FBXO31: variants seen among roughly 807,000 people sequenced by gnomAD.
The protein encoded by FBXO31 is F-box protein 31.
FBXO31 carries 24 observed loss-of-function variants against 54.4 expected under a neutral mutation model. That is an observed-to-expected ratio of 0.44 (90% CI 0.32 to 0.62). The LOEUF (loss-of-function observed/expected upper bound fraction) is 0.62. FBXO31 is among the 20% of genes least tolerant of loss of function. The pLI, the probability that FBXO31 is intolerant of heterozygous loss-of-function variation, is 0.05. For synonymous variants in FBXO31, 388 were observed against 335.6 expected, an observed-to-expected ratio of 1.16 and a Z score of -1.71; for missense variants, 665 against 787.1, an observed-to-expected ratio of 0.84 and a Z score of 1.86.
chr16:87,389,887 T>G (rs1907461575), upstream of FBXO31: 1 of 152,236 alleles, frequency 6.6e-6, no homozygotes, highest in Non-Finnish European at 1.5e-5. Context: ...TCTTCTTTAT[T>G]AATTGTATGA....
rs755030834 is a variant in FBXO31 at position 87,335,425 on chromosome 16, G to A, written c.875C>T (p.Pro292Leu). The A allele has an allele frequency of 5.6e-6, 9 of 1,613,548 alleles. No individual in the cohort carries two copies. The highest frequency in any genetic ancestry group is 2.2e-5 in the East Asian group (1 of 44,872). The change falls in exon 7 of 9, where the codon CCG becomes CTG. Residue 292 changes from proline to leucine, a missense_variant. Transcript: ENST00000311635. The surrounding 1 kb of genome is among the most constrained non-coding windows in gnomAD (Gnocchi z 5.7). ...NCLTYRRIYL[P>L]PSRPDDLIKP... ...GATGAGGTCGTCGGGGCGGCTGGGC[G>A]GCAGGTAGATGCGGCGGTAGGTCAG...
intron 2 of FBXO31, 65 bp from the exon 3 acceptor site, chr16:87,347,315 C>T: frequency 2.1e-6 from 3 of 1,402,490 alleles, no homozygotes; most frequent in South Asian, 2.3e-5. Context: ...AGCCCAGGAA[C>T]CCCGAGAGGG....
chr16:87,365,700 TTC>T (rs1268109401), intron 1 of FBXO31, among the ~76,000 whole-genome samples: 4 of 152,220 alleles, frequency 2.6e-5, no homozygotes, highest in African/African-American at 9.6e-5. Context: ...AAATACACTT[TTC>T]TCTTAGTTGA....
intron 5 of FBXO31, among the ~76,000 whole-genome samples, chr16:87,339,822 A>C (rs1382384408): frequency 1.3e-5 from 2 of 152,250 alleles, no homozygotes; most frequent in East Asian, 3.8e-4. Flanking sequence ...CCAAAATAGA[A>C]GAGGAATACA....
chr16:87,336,306 G>T lies in FBXO31; in HGVS notation c.733-42C>A. The T allele has an allele frequency of 6.3e-7, 1 of 1,584,630 alleles. No individual in the cohort carries two copies. The highest frequency in any genetic ancestry group is 8.7e-7 in the Non-Finnish European group (1 of 1,155,394). The stretch of plus-strand genomic sequence containing the variant: ...GGTCATGAATATCCATATGACAGGA[G>T]GCTGTGAAGAGGCTGCCGGCTGTGC... On this transcript the variant is annotated intron_variant, in intron 5 of 8. Transcript: ENST00000311635. The surrounding 1 kb of genome is among the most constrained non-coding windows in gnomAD (Gnocchi z 6.5).
At chr16:87,389,655 A>G (rs1907451385) in intron 1 of FBXO31, 1 of 152,244 alleles carries the variant, frequency 6.6e-6, no homozygotes, top group African/African-American at 2.4e-5. Context: ...CAGAAAAGAA[A>G]GCAACACAGA....
chr16:87,386,935 G>C (rs1037880832), upstream of FBXO31, among the ~76,000 whole-genome samples: 7 of 152,160 alleles, frequency 4.6e-5, 1 homozygote, highest in African/African-American at 1.4e-4. Flanking sequence ...ACAAAAGACA[G>C]ACAGCAAGAA....
At chr16:87,376,735 G>A (rs1396538210) in intron 1 of FBXO31, among the ~76,000 whole-genome samples, 2 of 152,090 alleles carry the variant, frequency 1.3e-5, no homozygotes, top group East Asian at 1.9e-4. Flanking sequence ...CTGCCAGGAC[G>A]CCAGGTGGGC....
rs192399010 is a variant in FBXO31 at position 87,347,281 on chromosome 16, T to A, written c.413-31A>T. On this transcript the variant is annotated intron_variant, in intron 2 of 8. Coordinates refer to ENST00000311635, the MANE Select transcript of FBXO31 (RefSeq NM_024735.5). ...GGAGGAGAGAAAGAGCAAGTCTCTG[T>A]GTTAGACCCAGCGTGCCGCAGGGAG... is the stretch of plus-strand genomic sequence containing the variant. The A allele has an allele frequency of 4.0e-3, 6,457 of 1,603,298 alleles. 362 individuals carry two copies. In the Admixed American group the frequency reaches 0.09, roughly 22 times the overall value.
upstream of FBXO31, among the ~76,000 whole-genome samples, chr16:87,385,409 G>T (rs1018472472): frequency 6.6e-6 from 1 of 150,834 alleles, no homozygotes; most frequent in East Asian, 2.0e-4. Flanking sequence ...AGTGAGCCAA[G>T]ATCGTGCCAC....
At chr16:87,382,670 C>A (rs1017715401) in intron 1 of FBXO31, among the ~76,000 whole-genome samples, 1 of 152,202 alleles carries the variant, frequency 6.6e-6, no homozygotes, top group Non-Finnish European at 1.5e-5. Flanking sequence ...CGCACTCTGT[C>A]GCCTAGGGTG....
intron 1 of FBXO31, among the ~76,000 whole-genome samples, chr16:87,368,279 C>T (rs977407444): frequency 1.3e-5 from 2 of 152,334 alleles, no homozygotes; most frequent in East Asian, 1.9e-4. Flanking sequence ...CCAACTGCTC[C>T]TTTAAGTAAT....
chr16:87,343,880 T>C (rs1905273282), intron 3 of FBXO31, 115 bp from the exon 4 acceptor site: 2 of 1,147,484 alleles, frequency 1.7e-6, no homozygotes. Context: ...GACCAGCACA[T>C]GGGACCTGCA....
chr16:87,377,380 A>C (rs1906869724), intron 1 of FBXO31, among the ~76,000 whole-genome samples: 1 of 152,178 alleles, frequency 6.6e-6, no homozygotes, highest in Admixed American at 6.5e-5. Context: ...GGAGAAGTCA[A>C]GGCCACAGTG....
At chr16:87,369,502 G>C (rs953213520) in intron 1 of FBXO31, among the ~76,000 whole-genome samples, 1 of 152,204 alleles carries the variant, frequency 6.6e-6, no homozygotes, top group African/African-American at 2.4e-5. Context: ...TGCATCATCA[G>C]GATTTCCTTC....
chr16:87,361,747 G>A (rs898431956), intron 1 of FBXO31, among the ~76,000 whole-genome samples: 8 of 152,072 alleles, frequency 5.3e-5, no homozygotes, highest in Non-Finnish European at 7.4e-5. Flanking sequence ...AGCACTGACC[G>A]TACTCAAAGT....
In FBXO31 at chr16:87,358,085, G is replaced by A. The variant is rs1905975535; in HGVS notation, c.412+2210C>T. 6.6e-6 allele frequency among the ~76,000 whole-genome samples: 1 copy of A among 152,192 alleles called. No individual in the cohort carries two copies. The highest frequency in any genetic ancestry group is 1.5e-5 in the Non-Finnish European group (1 of 68,042). On this transcript the variant is annotated intron_variant, in intron 2 of 8. Transcript: ENST00000311635. This position sits in a 1 kb window ranked among gnomAD's most constrained non-coding sequence, Gnocchi z 4.0. ...AATAAAATTTTAAAGCTTCTACTCT[G>A]TTCGTTCCTCTCTGTGTCTGCAGTA...
chr16:87,337,822 T>C (rs1379243483), intron 5 of FBXO31, among the ~76,000 whole-genome samples: 1 of 126,540 alleles, frequency 7.9e-6, no homozygotes, highest in Non-Finnish European at 1.8e-5. Context: ...ACCAAACTTC[T>C]ATTAAAAAAA....
Position 87,333,974 on chromosome 16 carries a change from G to T in FBXO31, c.1309C>A (p.Pro437Thr), listed in dbSNP as rs927010377. ...GGCTGCCCCTGCCCACACTGGGCAG[G>T]CTGCTCGGCCGCAGCTACGGCATCC... ...PGDAVAAAEQ[P>T]AQCGQGQPFV... Residue 437 changes from proline to threonine, a missense_variant, in exon 8 of 9, where the codon CCT becomes ACT. Coordinates refer to ENST00000311635, the MANE Select transcript of FBXO31 (RefSeq NM_024735.5). 6.2e-7 allele frequency: 1 copy of T among 1,612,764 alleles called. No homozygotes were observed. Among genetic ancestry groups the T allele is most frequent in the Non-Finnish European group, 8.5e-7 (1 of 1,179,818 alleles).
Sources: allele counts gnomAD v4.1 joint callset (sites outside exome capture counted in the v4.1 genomes callset), GRCh38; gene constraint gnomAD v4.1.1; non-coding constraint Gnocchi (gnomAD v3.1); transcripts MANE v1.5; gene names NCBI Gene and HGNC (gene_info 2026-07-23, HGNC 2026-07-21).